SARDH: variants seen among roughly 807,000 people sequenced by gnomAD.
SARDH encodes sarcosine dehydrogenase, mitochondrial.
A neutral mutation model predicts 109.1 loss-of-function variants in SARDH; 95 were observed. The observed-to-expected ratio is 0.87, with a 90% CI of 0.74 to 1.03. The LOEUF (loss-of-function observed/expected upper bound fraction) is 1.03. SARDH is among the 50% of genes least tolerant of loss of function. The probability of loss-of-function intolerance (pLI) is 0.00; values close to 1 mark genes in which losing one functional copy is unlikely to be tolerated. For synonymous variants in SARDH, 572 were observed against 534.8 expected, an observed-to-expected ratio of 1.07 and a Z score of -0.96; for missense variants, 1,267 against 1,287.8, an observed-to-expected ratio of 0.98 and a Z score of 0.25.
In SARDH at chr9:133,730,472, A is replaced by T. The variant is rs76282941; in HGVS notation, c.691-285T>A. Among the ~76,000 whole-genome samples, 114 of 88,934 alleles carry T rather than the reference A, an allele frequency of 1.3e-3. No homozygotes were observed. The highest frequency in any genetic ancestry group is 3.0e-3 in the East Asian group (5 of 1,692). The allele number at this position is 88,934 out of a possible 152,430, so 58.3% of individuals were successfully genotyped here. A position where few individuals can be genotyped will look rare whatever the true frequency, so the allele number is the denominator to read the frequency against. ...TGAAAAAGTAGCTGACTTTTTTTTA[A>T]AAAAAAAAAGCAAGATATTTGATTA... On this transcript the variant is annotated intron_variant, in intron 4 of 20. Transcript: ENST00000439388.
intron 19 of SARDH, among the ~76,000 whole-genome samples, chr9:133,670,018 G>A (rs28754398): frequency 0.016 from 2,406 of 152,306 alleles, 68 homozygotes; most frequent in African/African-American, 0.048. Context: ...CCCCAGGTGC[G>A]CAACCTTACA....
chr9:133,662,872 G>C (rs1829930567), downstream of SARDH, among the ~76,000 whole-genome samples: 1 of 152,222 alleles, frequency 6.6e-6, no homozygotes, highest in Non-Finnish European at 1.5e-5. This position sits in a 1 kb window ranked among gnomAD's most constrained non-coding sequence, Gnocchi z 5.1. Flanking sequence ...CAAGGGAGGG[G>C]ACTGAGCACG....
chr9:133,702,410 C>A (rs1831520772), intron 13 of SARDH, among the ~76,000 whole-genome samples: 1 of 152,250 alleles, frequency 6.6e-6, no homozygotes, highest in Non-Finnish European at 1.5e-5. Context: ...GAACAGCAAG[C>A]AGGCTCCAGG....
At chr9:133,659,847 G>A (rs1351373884), downstream of SARDH, among the ~76,000 whole-genome samples, 2 of 152,084 alleles carry the variant, frequency 1.3e-5, no homozygotes, top group Admixed American at 1.3e-4. Context: ...ACACGGAGCA[G>A]GCCCAAGAAG....
chr9:133,732,648 C>T, intron 2 of SARDH, 47 bp from the exon 3 acceptor site: 1 of 1,540,022 alleles, frequency 6.5e-7, no homozygotes, highest in Non-Finnish European at 8.8e-7. Flanking sequence ...GTGGACTGCA[C>T]CTCCTTCCCC....
chr9:133,722,665 CTCTCTCTCTCTCTT>C (rs1470150420), intron 6 of SARDH, among the ~76,000 whole-genome samples: 2 of 127,590 alleles, frequency 1.6e-5, no homozygotes, highest in African/African-American at 2.9e-5. Flanking sequence ...CTCTCTCTCT[CTCTCTCTCTCTCTT>C]TCTCTCTTTC....
rs541132726 is a variant in SARDH, at chr9:133,734,784, C to T, written c.-30-581G>A. Among the ~76,000 whole-genome samples the T allele has an allele frequency of 5.3e-5, 8 of 152,330 alleles. No homozygotes were observed. In the East Asian group the frequency reaches 1.4e-3, roughly 26 times the overall value. On this transcript the variant is annotated intron_variant, in intron 1 of 20. Coordinates refer to ENST00000439388, the MANE Select transcript of SARDH (RefSeq NM_001134707.2). ...GGGGCTCCGGTCTCAGGGACACTCA[C>T]CCCCAGATCACAGACAGCGAGAGGC...
chr9:133,661,132 T>C (rs1832406790), downstream of SARDH, among the ~76,000 whole-genome samples: 1 of 151,826 alleles, frequency 6.6e-6, no homozygotes, highest in South Asian at 2.1e-4. Context: ...CTGAGGTCGG[T>C]AGTTCGAGAC....
At chr9:133,688,981 G>C (rs145046472) in intron 16 of SARDH, among the ~76,000 whole-genome samples, 3 of 152,294 alleles carry the variant, frequency 2.0e-5, no homozygotes, top group Non-Finnish European at 4.4e-5. Flanking sequence ...GCAACAGCTC[G>C]GTCCCTTGCA....
At chr9:133,687,531 T>G (rs1305887710) in intron 16 of SARDH, among the ~76,000 whole-genome samples, 1 of 152,148 alleles carries the variant, frequency 6.6e-6, no homozygotes, top group Non-Finnish European at 1.5e-5. Flanking sequence ...TCTTATCACC[T>G]CGGCCTCCCA....
intron 1 of SARDH, among the ~76,000 whole-genome samples, chr9:133,735,432 A>C (rs1481702142): frequency 2.6e-5 from 4 of 152,226 alleles, no homozygotes; most frequent in Non-Finnish European, 5.9e-5. Flanking sequence ...ATGAGAATGC[A>C]AGAGGGAGCC....
At chr9:133,689,759 C>A (rs1158777334) in intron 16 of SARDH, among the ~76,000 whole-genome samples, 3 of 152,136 alleles carry the variant, frequency 2.0e-5, no homozygotes, top group Non-Finnish European at 4.4e-5. Context: ...CTTCTCCCAG[C>A]CTCCGAAGCA....
In SARDH at chr9:133,686,873, G is replaced by A. The variant is rs150586902; in HGVS notation, c.2070-1587C>T. On this transcript the variant is annotated intron_variant, in intron 16 of 20. Coordinates refer to ENST00000439388, the MANE Select transcript of SARDH (RefSeq NM_001134707.2). The surrounding 1 kb of genome is among the most constrained non-coding windows in gnomAD (Gnocchi z 4.0). ...CCCACGTGGTGCCAAGCCCTGGAGA[G>A]TGATACCAGTGCCTCAGACCTGACA... Among the ~76,000 whole-genome samples the A allele has an allele frequency of 3.4e-3, 514 of 152,322 alleles. 9 individuals are homozygous for A. Among genetic ancestry groups the A allele is most frequent in the African/African-American group, 0.012 (488 of 41,586 alleles).
chr9:133,700,714 A>G (rs548377363), intron 13 of SARDH, among the ~76,000 whole-genome samples: 1 of 142,192 alleles, frequency 7.0e-6, no homozygotes, highest in African/African-American at 2.7e-5. Flanking sequence ...CTGTTTTCAA[A>G]GCACACACAC....
chr9:133,694,329 G>C lies in SARDH; in HGVS notation c.1850C>G (p.Thr617Ser). Residue 617 changes from threonine (T) to serine (S), a missense_variant, in exon 15 of 21, where the codon ACC (threonine) becomes AGC (serine). Coordinates refer to ENST00000439388, the MANE Select transcript of SARDH (RefSeq NM_001134707.2). Reference protein sequence around the residue: ...YTCMLNHRGGTESDLTVSRLA... With the variant: ...YTCMLNHRGGSESDLTVSRLA... The stretch of plus-strand genomic sequence containing the variant: ...GCGGCTGACAGTCAGGTCACTCTCG[G>C]TGCCCCCACGGTGGTTGAGCATGCA... The C allele has an allele frequency of 1.3e-6, 2 of 1,550,736 alleles. No individual in the cohort carries two copies. Among genetic ancestry groups the C allele is most frequent in the Non-Finnish European group, 1.7e-6 (2 of 1,146,952 alleles).
In SARDH at chr9:133,718,496, G is replaced by T; in HGVS notation, c.1020+442C>A. ...TTTAGCCCAAAGTAGCCACTCAGTC[G>T]TTCCATGTGTGGACTAAATGCATAT... On this transcript the variant is annotated intron_variant, in intron 7 of 20. Transcript: ENST00000439388. The surrounding 1 kb of genome is among the most constrained non-coding windows in gnomAD (Gnocchi z 4.2). 1.9e-6 allele frequency: 1 copy of T among 526,524 alleles called. No homozygotes were observed. Among genetic ancestry groups the T allele is most frequent in the Non-Finnish European group, 3.4e-6 (1 of 296,828 alleles). 32.6% of individuals were successfully genotyped at this position (526,524 alleles called of 1,614,324 possible). A position where few individuals can be genotyped will look rare whatever the true frequency, so the allele number is the denominator to read the frequency against.
intron 15 of SARDH, among the ~76,000 whole-genome samples, chr9:133,691,244 T>C (rs1404143130): frequency 1.4e-5 from 2 of 146,256 alleles, no homozygotes; most frequent in African/African-American, 5.2e-5. Flanking sequence ...GGCTCCTGAG[T>C]GGCCCCCCCA....
At chr9:133,705,942 G>A (rs1320990402) in intron 11 of SARDH, among the ~76,000 whole-genome samples, 1 of 152,138 alleles carries the variant, frequency 6.6e-6, no homozygotes, top group Non-Finnish European at 1.5e-5. Context: ...CTACAAGCCA[G>A]GAGAGCCCTC....
chr9:133,660,814 G>A (rs1300360930), downstream of SARDH, among the ~76,000 whole-genome samples: 14 of 152,240 alleles, frequency 9.2e-5, no homozygotes, highest in Admixed American at 2.0e-4. Flanking sequence ...CAGCATAGGG[G>A]TGCCTGCCCG....
Sources: allele counts gnomAD v4.1 joint callset (sites outside exome capture counted in the v4.1 genomes callset), GRCh38; gene constraint gnomAD v4.1.1; non-coding constraint Gnocchi (gnomAD v3.1); transcripts MANE v1.5; gene names NCBI Gene and HGNC (gene_info 2026-07-23, HGNC 2026-07-21).